The following SORCS2 variants were observed in gnomAD, a reference collection of about 807,000 sequenced individuals.
SORCS2 encodes VPS10 domain-containing receptor SorCS2.
Under a neutral mutation model 141.6 loss-of-function variants are expected in SORCS2, and 100 were observed. That is an observed-to-expected ratio of 0.71 (90% CI 0.60 to 0.83). The LOEUF (loss-of-function observed/expected upper bound fraction) is 0.83, where lower values mean the gene tolerates loss of function less well. Among genes scored for constraint, SORCS2 ranks in the 40% least tolerant of loss-of-function variants. The pLI is 0.00. For synonymous variants in SORCS2, 789 were observed against 676.9 expected, an observed-to-expected ratio of 1.17 and a Z score of -2.57; for missense variants, 1,646 against 1,560.2, an observed-to-expected ratio of 1.05 and a Z score of -0.93.
At chr4:7,436,598 C>T (rs114729079) in intron 2 of SORCS2, among the ~76,000 whole-genome samples, 1,536 of 152,334 alleles carry the variant, frequency 0.01, 29 homozygotes, top group African/African-American at 0.034. Context: ...CTTCTTGGCT[C>T]GGCATTGTCT....
In SORCS2 at chr4:7,233,887, A is replaced by C. The variant is rs1441217373; in HGVS notation, c.480+40761A>C. Reference sequence around the variant, plus strand: ...CTTGTAATACACTGTCCTGTCCGCTATCCCATCCCCTTCTCTGGTCTCAGT... The same window carrying C: ...CTTGTAATACACTGTCCTGTCCGCTCTCCCATCCCCTTCTCTGGTCTCAGT... On this transcript the variant is annotated intron_variant, in intron 1 of 26. Coordinates refer to ENST00000507866, the MANE Select transcript of SORCS2 (RefSeq NM_020777.3). The surrounding 1 kb of genome is among the most constrained non-coding windows in gnomAD (Gnocchi z 4.5). Among the ~76,000 whole-genome samples the C allele has an allele frequency of 6.6e-6, 1 of 152,070 alleles. No individual in the cohort carries two copies. The highest frequency in any genetic ancestry group is 2.4e-5 in the African/African-American group (1 of 41,388).
At chr4:7,314,596 C>T (rs1450793004) in intron 1 of SORCS2, among the ~76,000 whole-genome samples, 1 of 152,182 alleles carries the variant, frequency 6.6e-6, no homozygotes. Context: ...GCCTCTGCCT[C>T]CCAAAGTGTT....
intron 6 of SORCS2, among the ~76,000 whole-genome samples, chr4:7,661,830 G>T (rs1722193692): frequency 6.6e-6 from 1 of 152,278 alleles, no homozygotes; most frequent in South Asian, 2.1e-4. Flanking sequence ...CACTCACTCA[G>T]CCCACCACCC....
intron 14 of SORCS2, among the ~76,000 whole-genome samples, chr4:7,705,528 G>A (rs368390194): frequency 2.6e-5 from 4 of 152,244 alleles, no homozygotes; most frequent in East Asian, 1.9e-4. Flanking sequence ...CCTCTGCTCT[G>A]TCCCTTCTAG....
intron 19 of SORCS2, among the ~76,000 whole-genome samples, chr4:7,724,125 T>C (rs148517253): frequency 7.0e-6 from 1 of 142,724 alleles, no homozygotes; most frequent in Non-Finnish European, 1.5e-5. Context: ...ATGGTGGTGG[T>C]GGTGGTGGTG....
intron 9 of SORCS2, 121 bp downstream of exon 9, chr4:7,676,350 A>G: frequency 1.8e-6 from 2 of 1,085,116 alleles, no homozygotes; most frequent in South Asian, 3.1e-5. Flanking sequence ...AAGGGTCTGC[A>G]CACATCTTCT....
At chr4:7,732,075 C>T (rs187454986) in intron 23 of SORCS2, among the ~76,000 whole-genome samples, 6 of 152,246 alleles carry the variant, frequency 3.9e-5, no homozygotes, top group East Asian at 1.9e-4. Flanking sequence ...ATCCAGAATA[C>T]GTAAGAAACC....
chr4:7,719,600 G>A (rs1726436592), intron 18 of SORCS2, among the ~76,000 whole-genome samples: 1 of 152,206 alleles, frequency 6.6e-6, no homozygotes. Flanking sequence ...CGGAGCCAGG[G>A]GCAGCCCTGG....
chr4:7,292,776 G>A (rs1191459989), intron 1 of SORCS2, among the ~76,000 whole-genome samples: 1 of 152,198 alleles, frequency 6.6e-6, no homozygotes, highest in Non-Finnish European at 1.5e-5. Flanking sequence ...TTGCCATGAT[G>A]CCCTTGATGA....
At chr4:7,325,505 C>T (rs1719194853) in intron 1 of SORCS2, among the ~76,000 whole-genome samples, 1 of 151,900 alleles carries the variant, frequency 6.6e-6, no homozygotes, top group Non-Finnish European at 1.5e-5. Flanking sequence ...GTTGGTCTCA[C>T]ACAGCTGCAG....
At chr4:7,262,298 C>T (rs1420675895) in intron 1 of SORCS2, among the ~76,000 whole-genome samples, 1 of 151,394 alleles carries the variant, frequency 6.6e-6, no homozygotes, top group Non-Finnish European at 1.5e-5. Context: ...ACCCACCCAT[C>T]CATCCATCCA....
At chr4:7,723,533 G>A (rs1436620879) in intron 18 of SORCS2, among the ~76,000 whole-genome samples, 164 bp from the exon 19 acceptor site, 1 of 152,174 alleles carries the variant, frequency 6.6e-6, no homozygotes. Context: ...AATCTCCAGG[G>A]CAGAACCAGG....
At chr4:7,303,907 C>T (rs1394737934) in intron 1 of SORCS2, among the ~76,000 whole-genome samples, 1 of 152,220 alleles carries the variant, frequency 6.6e-6, no homozygotes, top group Non-Finnish European at 1.5e-5. Context: ...TGGCAGGGGC[C>T]TGAGGGGCCA....
chr4:7,673,393 A>G (rs1025513401), intron 8 of SORCS2, among the ~76,000 whole-genome samples: 1 of 152,234 alleles, frequency 6.6e-6, no homozygotes, highest in African/African-American at 2.4e-5. Context: ...AGTTATGTTG[A>G]GAACGCTGAC....
intron 1 of SORCS2, among the ~76,000 whole-genome samples, chr4:7,374,119 CTTTCTTTCCCTCTTTCTTTCTTT>C (rs1722458648): frequency 5.5e-5 from 1 of 18,070 alleles, no homozygotes; most frequent in Non-Finnish European, 1.2e-4. Context: ...TTCTTTCTTT[CTTTCTTTCCCTCTTTCTTTCTTT>C]CTTTCTTTCT....
chr4:7,417,517 C>T (rs1455121996), intron 2 of SORCS2, among the ~76,000 whole-genome samples: 1 of 152,228 alleles, frequency 6.6e-6, no homozygotes, highest in African/African-American at 2.4e-5. Flanking sequence ...GAAGTCTCAG[C>T]TCTGCCATTT....
rs138743413 is a variant in SORCS2, at chr4:7,442,824, C to T, written c.548+46469C>T. ...GGCTGACAAAACAGTGTACCACAGA[C>T]GGGGTGGCCGAAAACAACCGGAACT... On this transcript the variant is annotated intron_variant, in intron 2 of 26. Transcript: ENST00000507866. Among the ~76,000 whole-genome samples the T allele has an allele frequency of 4.3e-3, 647 of 151,928 alleles. 6 individuals carry two copies. Among genetic ancestry groups the T allele is most frequent in the African/African-American group, 0.015 (617 of 41,436 alleles).
intron 1 of SORCS2, among the ~76,000 whole-genome samples, chr4:7,273,409 C>T (rs1200845027): frequency 2.6e-5 from 4 of 152,138 alleles, no homozygotes; most frequent in African/African-American, 9.7e-5. Context: ...CCACTTGCAT[C>T]CATCATTGCT....
intron 2 of SORCS2, among the ~76,000 whole-genome samples, chr4:7,470,487 A>G (rs892828396): frequency 5.9e-5 from 9 of 152,140 alleles, no homozygotes; most frequent in Admixed American, 3.9e-4. Context: ...TGGGTTCTTC[A>G]TGGAGGCTTT....
Sources: allele counts gnomAD v4.1 joint callset (sites outside exome capture counted in the v4.1 genomes callset), GRCh38; gene constraint gnomAD v4.1.1; non-coding constraint Gnocchi (gnomAD v3.1); transcripts MANE v1.5; gene names NCBI Gene and HGNC (gene_info 2026-07-23, HGNC 2026-07-21).